Variants in ABHD17B observed in about 807,000 individuals in gnomAD.
The protein encoded by ABHD17B is alpha/beta hydrolase domain-containing protein 17B.
Under a neutral mutation model 26.2 loss-of-function variants are expected in ABHD17B, and 9 were observed. That is an observed-to-expected ratio of 0.34 (90% CI 0.21 to 0.60). The LOEUF (loss-of-function observed/expected upper bound fraction) is 0.60, where lower values mean the gene tolerates loss of function less well. Ranked by LOEUF, ABHD17B falls within the 20% of genes least tolerant of loss-of-function variation. The pLI, the probability that ABHD17B is intolerant of heterozygous loss-of-function variation, is 0.80. For synonymous variants in ABHD17B, 127 were observed against 122.3 expected (o/e 1.04, Z -0.25); for missense variants, 224 against 352.1 (o/e 0.64, Z 2.91).
chr9:71,870,792 C>T (rs776786080), intron 2 of ABHD17B, among the ~76,000 whole-genome samples: 13 of 152,088 alleles, frequency 8.5e-5, no homozygotes, highest in African/African-American at 2.7e-4. Flanking sequence ...TATGATTTTA[C>T]GATTTTTCTT....
intron 1 of ABHD17B, among the ~76,000 whole-genome samples, chr9:71,907,707 CTCCATG>C (rs1827327838): frequency 6.6e-6 from 1 of 152,122 alleles, no homozygotes; most frequent in South Asian, 2.1e-4. Context: ...GACGGGGTTT[CTCCATG>C]TTGGTCAGGC....
intron 1 of ABHD17B, among the ~76,000 whole-genome samples, chr9:71,907,455 G>A (rs1053420446): frequency 6.6e-6 from 1 of 152,082 alleles, no homozygotes; most frequent in African/African-American, 2.4e-5. Context: ...TTAGATATCG[G>A]GGGGAAAAGG....
At chr9:71,877,935 G>T (rs1216260793) in intron 1 of ABHD17B, among the ~76,000 whole-genome samples, 1 of 151,910 alleles carries the variant, frequency 6.6e-6, no homozygotes, top group Non-Finnish European at 1.5e-5. Context: ...AGATAACTGG[G>T]GCTTATTTAA....
At chr9:71,910,417 C>T (rs1206442259) in intron 1 of ABHD17B, among the ~76,000 whole-genome samples, 2 of 152,164 alleles carry the variant, frequency 1.3e-5, no homozygotes, top group African/African-American at 4.8e-5. Context: ...TTCACGCAAC[C>T]ATCAGAGAAT....
intron 1 of ABHD17B, among the ~76,000 whole-genome samples, chr9:71,883,806 G>A (rs1226175017): frequency 1.5e-4 from 23 of 152,026 alleles, no homozygotes; most frequent in African/African-American, 2.4e-4. Flanking sequence ...GCATGGTGGC[G>A]CGTGCCTGTA....
At chr9:71,871,552 A>G (rs1323138757) in intron 2 of ABHD17B, among the ~76,000 whole-genome samples, 1 of 152,236 alleles carries the variant, frequency 6.6e-6, no homozygotes, top group Non-Finnish European at 1.5e-5. Flanking sequence ...TGTCAGCTGA[A>G]TATCAGCATT....
chr9:71,890,085 G>A lies in ABHD17B; in HGVS notation c.-3-15002C>T, dbSNP rs141587981. On this transcript the variant is annotated intron_variant, in intron 1 of 3. Transcript: ENST00000333421. The stretch of plus-strand genomic sequence containing the variant: ...AAGACCAGCCTGGCCAACATGGTGA[G>A]ACCCTGTTTCTACTAAAAATAAAAA... Among the ~76,000 whole-genome samples the A allele has an allele frequency of 3.7e-3, 559 of 151,824 alleles. 3 individuals are homozygous for A. The highest frequency in any genetic ancestry group is 0.013 in the African/African-American group (521 of 41,372).
intron 1 of ABHD17B, among the ~76,000 whole-genome samples, chr9:71,896,547 G>C (rs1330255300): frequency 6.6e-6 from 1 of 152,136 alleles, no homozygotes; most frequent in Non-Finnish European, 1.5e-5. Flanking sequence ...GAATAAAAAA[G>C]ATGCCAAATT....
At chr9:71,874,584 T>C (rs371348976) in intron 2 of ABHD17B, 30 bp downstream of exon 2, 1 of 1,509,176 alleles carries the variant, frequency 6.6e-7, no homozygotes, top group African/African-American at 1.4e-5. Context: ...CCACCACGAG[T>C]ATGAAAAATA....
At chr9:71,907,781 C>T (rs1827330390) in intron 1 of ABHD17B, among the ~76,000 whole-genome samples, 1 of 152,184 alleles carries the variant, frequency 6.6e-6, no homozygotes, top group South Asian at 2.1e-4. Context: ...TCCCAAAGTG[C>T]TGGGATTACA....
At chr9:71,867,037 A>G (rs766798354) in intron 3 of ABHD17B, 31 bp from the exon 4 acceptor site, 7 of 1,607,032 alleles carry the variant, frequency 4.4e-6, no homozygotes, top group African/African-American at 2.7e-5. Flanking sequence ...GGAAAAATGC[A>G]ATAAATTAAC....
intron 1 of ABHD17B, among the ~76,000 whole-genome samples, chr9:71,876,810 C>T (rs1194516192): frequency 6.6e-6 from 1 of 152,016 alleles, no homozygotes; most frequent in Non-Finnish European, 1.5e-5. Context: ...GAAAAAAGCA[C>T]AGGAAGAGAG....
At chr9:71,870,300 G>C (rs771037212) in intron 2 of ABHD17B, 38 bp from the exon 3 acceptor site, 1 of 1,525,862 alleles carries the variant, frequency 6.6e-7, no homozygotes, top group South Asian at 1.3e-5. Context: ...AACCAAAAAA[G>C]TTGGAGTGAT....
At chr9:71,884,634 GAA>G (rs752668193) in intron 1 of ABHD17B, among the ~76,000 whole-genome samples, 15 of 131,468 alleles carry the variant, frequency 1.1e-4, no homozygotes, top group Admixed American at 1.5e-4. Flanking sequence ...AGGTTGAAGG[GAA>G]AAAAAAAAAA....
At chr9:71,877,440 C>T (rs1033416820) in intron 1 of ABHD17B, among the ~76,000 whole-genome samples, 3 of 152,314 alleles carry the variant, frequency 2.0e-5, no homozygotes, top group Non-Finnish European at 4.4e-5. Context: ...TTTTTCGAGA[C>T]GAAGTCTCAC....
intron 2 of ABHD17B, among the ~76,000 whole-genome samples, chr9:71,872,889 T>A (rs1826154522): frequency 6.6e-6 from 1 of 152,084 alleles, no homozygotes. Flanking sequence ...ATTCCCCATA[T>A]TTATGTTTTT....
chr9:71,905,083 C>A (rs1827245908), intron 1 of ABHD17B, among the ~76,000 whole-genome samples: 1 of 151,246 alleles, frequency 6.6e-6, no homozygotes, highest in South Asian at 2.1e-4. Flanking sequence ...TAAAAGACAA[C>A]ATATTTAAAG....
chr9:71,872,775 T>C (rs186346824), intron 2 of ABHD17B, among the ~76,000 whole-genome samples: 12 of 152,138 alleles, frequency 7.9e-5, no homozygotes, highest in African/African-American at 2.9e-4. Flanking sequence ...TATCAATATA[T>C]GTAAAAGATT....
chr9:71,907,767 T>G (rs914882647), intron 1 of ABHD17B, among the ~76,000 whole-genome samples: 1 of 152,118 alleles, frequency 6.6e-6, no homozygotes, highest in African/African-American at 2.4e-5. Context: ...TGCCTCGGCC[T>G]CCCTCCCAAA....
Sources: gnomAD v4.1 joint callset for allele counts (sites outside exome capture counted in the v4.1 genomes callset) on GRCh38, gnomAD v4.1.1 for gene constraint, MANE v1.5 for transcripts, NCBI Gene and HGNC (gene_info 2026-07-23, HGNC 2026-07-21) for gene names.